The following RGS8 variants were observed in gnomAD, a reference collection of about 807,000 sequenced individuals.
The protein encoded by RGS8 is regulator of G protein signaling 8.
A neutral mutation model predicts 21.7 loss-of-function variants in RGS8; 8 were observed. The observed-to-expected ratio is 0.37, with a 90% CI of 0.22 to 0.66. RGS8 has a LOEUF of 0.66. Among genes scored for constraint, RGS8 ranks in the 30% least tolerant of loss-of-function variants. RGS8 has a pLI of 0.59. For synonymous variants in RGS8, 80 were observed against 83.6 expected, an observed-to-expected ratio of 0.96 and a Z score of 0.24; for missense variants, 157 against 217.9, an observed-to-expected ratio of 0.72 and a Z score of 1.76.
chr1:182,701,763 T>G, the RGS8 span, among the ~76,000 whole-genome samples: 1 of 152,210 alleles, frequency 6.6e-6, no homozygotes, highest in Non-Finnish European at 1.5e-5. Flanking sequence ...TAAGCTGCCA[T>G]CTACCCTTGG....
the RGS8 span, among the ~76,000 whole-genome samples, chr1:182,702,413 A>T: frequency 6.6e-6 from 1 of 152,198 alleles, no homozygotes; most frequent in Non-Finnish European, 1.5e-5. Flanking sequence ...GCAACGGTTG[A>T]AAAACTATTG....
At chr1:182,649,693 ATGTTTTTATT>A (rs1662902268) in intron 5 of RGS8, among the ~76,000 whole-genome samples, 1 of 151,678 alleles carries the variant, frequency 6.6e-6, no homozygotes, top group African/African-American at 2.4e-5. Flanking sequence ...CATCCAGTTA[ATGTTTTTATT>A]TAAAAATATT....
chr1:182,735,152 T>C, the RGS8 span, among the ~76,000 whole-genome samples: 1 of 152,230 alleles, frequency 6.6e-6, no homozygotes, highest in African/African-American at 2.4e-5. Flanking sequence ...GCTACTATAC[T>C]GGGCAGTGCA....
At chr1:182,721,374 T>G in the RGS8 span, among the ~76,000 whole-genome samples, 1 of 152,078 alleles carries the variant, frequency 6.6e-6, no homozygotes, top group African/African-American at 2.4e-5. Context: ...GTCACAAAGA[T>G]CTAGGGATGT....
At chr1:182,659,761 A>G (rs1204102975) in intron 5 of RGS8, among the ~76,000 whole-genome samples, 1 of 152,168 alleles carries the variant, frequency 6.6e-6, no homozygotes, top group Non-Finnish European at 1.5e-5. Context: ...TTTGAAAATC[A>G]AGTATCCAGA....
At chr1:182,698,984 T>C in the RGS8 span, among the ~76,000 whole-genome samples, 2 of 152,190 alleles carry the variant, frequency 1.3e-5, no homozygotes, top group African/African-American at 4.8e-5. Context: ...ATTGTATGCC[T>C]GAAAAATAGA....
At chr1:182,722,325 CA>C in the RGS8 span, among the ~76,000 whole-genome samples, 1 of 130,822 alleles carries the variant, frequency 7.6e-6, no homozygotes, top group Admixed American at 8.8e-5. Flanking sequence ...TCACAGATTG[CA>C]CTGCATGAGT....
At chr1:182,713,783 G>A in the RGS8 span, among the ~76,000 whole-genome samples, 2 of 152,102 alleles carry the variant, frequency 1.3e-5, no homozygotes, top group African/African-American at 4.8e-5. Context: ...ACGCATACAC[G>A]CCAGCCCTGA....
At chr1:182,703,919 A>G in the RGS8 span, among the ~76,000 whole-genome samples, 1 of 152,254 alleles carries the variant, frequency 6.6e-6, no homozygotes, top group African/African-American at 2.4e-5. Context: ...TTGAACATTA[A>G]CAAATGGTAC....
chr1:182,718,121 G>T, the RGS8 span, among the ~76,000 whole-genome samples: 1 of 152,126 alleles, frequency 6.6e-6, no homozygotes, highest in Non-Finnish European at 1.5e-5. Context: ...ACATCGTGGG[G>T]GCCAAAGCAC....
At chr1:182,706,602 G>A in the RGS8 span, among the ~76,000 whole-genome samples, 1 of 152,056 alleles carries the variant, frequency 6.6e-6, no homozygotes, top group Non-Finnish European at 1.5e-5. Context: ...AAGTAGCTGG[G>A]ACTACAGGCG....
chr1:182,662,358 C>T (rs1279944126), intron 5 of RGS8, among the ~76,000 whole-genome samples: 7 of 152,178 alleles, frequency 4.6e-5, no homozygotes, highest in Non-Finnish European at 8.8e-5. Flanking sequence ...ATTGCCCAGC[C>T]TCTCTGTTTG....
At chr1:182,678,527 A>G (rs1394394603) in intron 1 of RGS8, among the ~76,000 whole-genome samples, 1 of 152,236 alleles carries the variant, frequency 6.6e-6, no homozygotes, top group Non-Finnish European at 1.5e-5. Flanking sequence ...CTAAACTTTG[A>G]AGACTTTGTC....
upstream of RGS8, among the ~76,000 whole-genome samples, chr1:182,689,237 T>A (rs1262942326): frequency 2.0e-5 from 3 of 151,256 alleles, no homozygotes; most frequent in Non-Finnish European, 4.4e-5. Flanking sequence ...TCTCTCTCTC[T>A]CTCGTGCACG....
Position 182,681,175 on chromosome 1 carries a change from T to C in RGS8, n.221+3181A>G, listed in dbSNP as rs541520129. Among the ~76,000 whole-genome samples the C allele has an allele frequency of 3.9e-5, 6 of 152,204 alleles. No individual in the cohort carries two copies. In the South Asian group the frequency reaches 1.0e-3, roughly 26 times the overall value. Reference sequence around the variant, plus strand: ...AGTGGGGAGAGGTGTGGAGGCTGCATGGATGGGACAGGAGGGCCAAAGGTG... The same window carrying C: ...AGTGGGGAGAGGTGTGGAGGCTGCACGGATGGGACAGGAGGGCCAAAGGTG... On this transcript the variant is annotated intron_variant and non_coding_transcript_variant, in intron 1 of 4. Transcript: ENST00000515211.
intron 5 of RGS8, among the ~76,000 whole-genome samples, chr1:182,653,212 G>C (rs904202683): frequency 1.3e-5 from 2 of 152,160 alleles, no homozygotes; most frequent in Non-Finnish European, 2.9e-5. Context: ...GGCAGGAAGA[G>C]TTTTCATGGT....
At chr1:182,741,003 C>T in the RGS8 span, among the ~76,000 whole-genome samples, 2 of 152,128 alleles carry the variant, frequency 1.3e-5, no homozygotes, top group South Asian at 4.2e-4. Context: ...TTTTCCCCAC[C>T]TTTCCCCCCT....
At chr1:182,671,591 T>C (rs1362074765) in intron 2 of RGS8, 66 bp downstream of exon 3, 2 of 1,395,332 alleles carry the variant, frequency 1.4e-6, no homozygotes, top group Non-Finnish European at 2.0e-6. Context: ...TAATTAAATA[T>C]GGATAATGCA....
chr1:182,646,727 T>A, exon 7 of RGS8: 1 of 1,605,396 alleles, frequency 6.2e-7, no homozygotes, highest in Non-Finnish European at 8.5e-7. Context: ...GGAGTTCCCT[T>A]CTGAGGTCTA....
Sources: gnomAD v4.1 joint callset for allele counts (sites outside exome capture counted in the v4.1 genomes callset) on GRCh38, gnomAD v4.1.1 for gene constraint, MANE v1.5 for transcripts, NCBI Gene and HGNC (gene_info 2026-07-23, HGNC 2026-07-21) for gene names.